GARIN1A: variants seen among roughly 807,000 people sequenced by gnomAD.
GARIN1A encodes the protein Golgi-associated RAB2 interactor protein 1A.
the GARIN1A span, among the ~76,000 whole-genome samples, chr7:128,682,758 G>A: frequency 6.6e-6 from 1 of 152,048 alleles, no homozygotes; most frequent in Non-Finnish European, 1.5e-5. Flanking sequence ...TGTATTTTTA[G>A]TACAGACGGG....
chr7:128,699,437 C>G, the GARIN1A span, among the ~76,000 whole-genome samples: 1 of 152,290 alleles, frequency 6.6e-6, no homozygotes, highest in South Asian at 2.1e-4. Context: ...TAGGCTACTC[C>G]TGTCATGCCT....
chr7:128,675,398 C>A, the GARIN1A span, among the ~76,000 whole-genome samples: 1 of 152,120 alleles, frequency 6.6e-6, no homozygotes, highest in African/African-American at 2.4e-5. Context: ...CAGTGCCACT[C>A]AGCTTTTTCT....
the GARIN1A span, among the ~76,000 whole-genome samples, chr7:128,696,540 AAGTC>A: frequency 2.6e-5 from 4 of 152,152 alleles, no homozygotes; most frequent in African/African-American, 9.7e-5. Context: ...CTAACATTCT[AAGTC>A]AGGCCAGGTG....
At chr7:128,706,379 T>G in the GARIN1A span, among the ~76,000 whole-genome samples, 1 of 152,138 alleles carries the variant, frequency 6.6e-6, no homozygotes, top group Admixed American at 6.5e-5. Context: ...TGTCACTGCT[T>G]GTAGGCCCTC....
chr7:128,708,931 T>C, the GARIN1A span: 3 of 152,250 alleles, frequency 2.0e-5, no homozygotes, highest in African/African-American at 4.8e-5. Context: ...AGTGAAAAGC[T>C]ACATTTCCCA....
At chr7:128,681,267 T>A in the GARIN1A span, among the ~76,000 whole-genome samples, 5 of 152,218 alleles carry the variant, frequency 3.3e-5, no homozygotes, top group Non-Finnish European at 5.9e-5. Flanking sequence ...CACATCTTCT[T>A]ACCCTCAGTC....
the GARIN1A span, among the ~76,000 whole-genome samples, chr7:128,701,319 TAGGGGAGGGGGAGGGGAGGGGAGGGGG>T: frequency 4.0e-4 from 38 of 93,952 alleles, no homozygotes; most frequent in South Asian, 9.2e-4. Context: ...GGTACATCTA[TAGGGGAGGGGGAGGGGAGGGGAGGGGG>T]AGGGGAGGGG....
chr7:128,698,097 T>C, the GARIN1A span, among the ~76,000 whole-genome samples: 1 of 152,206 alleles, frequency 6.6e-6, no homozygotes, highest in African/African-American at 2.4e-5. Context: ...AAAATTTGTA[T>C]GTATAGGTAG....
At chr7:128,702,951 A>C in the GARIN1A span, among the ~76,000 whole-genome samples, 1 of 152,238 alleles carries the variant, frequency 6.6e-6, no homozygotes, top group Non-Finnish European at 1.5e-5. Flanking sequence ...AGCCATAAGG[A>C]GGGCATTATA....
the GARIN1A span, among the ~76,000 whole-genome samples, chr7:128,699,971 A>G: frequency 6.6e-6 from 1 of 152,120 alleles, no homozygotes; most frequent in Non-Finnish European, 1.5e-5. Context: ...CTTTTTAGCA[A>G]CAGTTTTTGG....
At chr7:128,672,286 A>ATGGGGAGGAAATGC in the GARIN1A span, 1 of 883,646 alleles carries the variant, frequency 1.1e-6, no homozygotes, top group Admixed American at 2.9e-5. Context: ...CCGTAAGTAA[A>ATGGGGAGGAAATGC]TGGGGAGGAA....
the GARIN1A span, among the ~76,000 whole-genome samples, chr7:128,692,802 A>G: frequency 6.6e-6 from 1 of 152,240 alleles, no homozygotes; most frequent in African/African-American, 2.4e-5. Context: ...GCATGAATGT[A>G]TAGAAACGCG....
the GARIN1A span, chr7:128,693,949 C>T: frequency 5.9e-5 from 9 of 152,662 alleles, no homozygotes; most frequent in South Asian, 8.3e-4. Context: ...CTAGTCTCCA[C>T]GGCTGCCTGT....
At chr7:128,675,362 G>C in the GARIN1A span, among the ~76,000 whole-genome samples, 1 of 152,116 alleles carries the variant, frequency 6.6e-6, no homozygotes. Context: ...GGCTTCTCCT[G>C]CCCAAAGATG....
chr7:128,699,260 G>GGGGGGGGCC, the GARIN1A span, among the ~76,000 whole-genome samples: 1 of 105,016 alleles, frequency 9.5e-6, no homozygotes, highest in Non-Finnish European at 2.0e-5. Flanking sequence ...CATACCTGCT[G>GGGGGGGGCC]CCCCCCCCCC....
the GARIN1A span, among the ~76,000 whole-genome samples, chr7:128,700,024 T>C: frequency 6.6e-6 from 1 of 152,192 alleles, no homozygotes; most frequent in Admixed American, 6.5e-5. Flanking sequence ...TCACCAGCTT[T>C]CTTTTGTTAG....
At chr7:128,675,258 G>A in the GARIN1A span, among the ~76,000 whole-genome samples, 21 of 152,196 alleles carry the variant, frequency 1.4e-4, no homozygotes, top group South Asian at 1.7e-3. Flanking sequence ...AAGCTGTCTG[G>A]GTCTTCCCCA....
chr7:128,699,078 T>A, the GARIN1A span, among the ~76,000 whole-genome samples: 1 of 152,188 alleles, frequency 6.6e-6, no homozygotes, highest in Non-Finnish European at 1.5e-5. Context: ...TTCAAGTCCT[T>A]ATAGTCATCT....
chr7:128,705,724 G>T, the GARIN1A span, among the ~76,000 whole-genome samples: 1 of 136,776 alleles, frequency 7.3e-6, no homozygotes, highest in Non-Finnish European at 1.5e-5. Context: ...GGGTGCAATG[G>T]CATGATAATA....
Sources: gnomAD v4.1 joint callset for allele counts (sites outside exome capture counted in the v4.1 genomes callset) on GRCh38, gnomAD v4.1.1 for gene constraint, MANE v1.5 for transcripts, NCBI Gene and HGNC (gene_info 2026-07-23, HGNC 2026-07-21) for gene names.